The following SBF2 variants were observed in gnomAD, a reference collection of about 807,000 sequenced individuals.
SBF2 encodes the protein myotubularin-related protein 13.
In SBF2, 112 loss-of-function variants were observed where a neutral mutation model predicts 225.2. The ratio of observed to expected loss-of-function variants is 0.50; its 90% CI spans 0.43 to 0.58. The LOEUF is 0.58. Among genes scored for constraint, SBF2 ranks in the 20% least tolerant of loss-of-function variants. SBF2 has a pLI of 0.00. For missense variants in SBF2, 1,996 were observed against 2,206.2 expected (o/e 0.90, Z 1.91); for synonymous variants, 763 against 773.3 (o/e 0.99, Z 0.22).
intron 2 of SBF2, among the ~76,000 whole-genome samples, chr11:10,124,606 G>T (rs971270906): frequency 2.6e-5 from 4 of 152,000 alleles, no homozygotes; most frequent in African/African-American, 9.7e-5. Flanking sequence ...TTTGACACAT[G>T]TTCATTCTGT....
chr11:10,207,245 C>G (rs1467590559), intron 1 of SBF2, among the ~76,000 whole-genome samples: 2 of 152,022 alleles, frequency 1.3e-5, no homozygotes, highest in Non-Finnish European at 2.9e-5. Flanking sequence ...TCCCACGAAA[C>G]TACCCTTAAG....
chr11:10,290,311 A>G (rs1964081576), intron 1 of SBF2, among the ~76,000 whole-genome samples: 2 of 151,902 alleles, frequency 1.3e-5, no homozygotes, highest in Admixed American at 1.3e-4. Context: ...TCAGAGCCCA[A>G]GCATTAAGGC....
chr11:10,251,756 G>T (rs901803018), intron 1 of SBF2, among the ~76,000 whole-genome samples: 7 of 152,128 alleles, frequency 4.6e-5, no homozygotes, highest in Non-Finnish European at 1.0e-4. Flanking sequence ...ATGTCAAATG[G>T]TCTCTCTTCA....
chr11:10,008,163 A>G (rs547345232), intron 6 of SBF2, among the ~76,000 whole-genome samples: 3 of 152,318 alleles, frequency 2.0e-5, no homozygotes, highest in Admixed American at 2.0e-4. Flanking sequence ...AAGAAACCGC[A>G]TGTTCCTCTG....
rs142526018 is a variant in SBF2, at chr11:10,195,559, T to A, written c.56-1572A>T. On this transcript the variant is annotated intron_variant, in intron 1 of 39. Transcript: ENST00000256190. ...AACTTGAGGAAGTCTTCACAACGAA[T>A]TCATTTTGTTAATATACTGTAAAAA... Among the ~76,000 whole-genome samples the A allele has an allele frequency of 8.3e-4, 127 of 152,340 alleles. 1 individual carries two copies. The highest frequency in any genetic ancestry group is 2.6e-3 in the African/African-American group (110 of 41,572).
chr11:10,036,330 G>A (rs1021962677), intron 3 of SBF2, among the ~76,000 whole-genome samples: 3 of 151,988 alleles, frequency 2.0e-5, no homozygotes, highest in African/African-American at 4.8e-5. Flanking sequence ...GTTGATGGGT[G>A]CAGCAAACCA....
chr11:10,079,140 T>C (rs768607237), intron 2 of SBF2, among the ~76,000 whole-genome samples: 34 of 152,034 alleles, frequency 2.2e-4, no homozygotes, highest in African/African-American at 3.4e-4. Context: ...GCAATAATAC[T>C]GGAAATATTT....
intron 16 of SBF2, among the ~76,000 whole-genome samples, chr11:9,913,004 G>A (rs894732064): frequency 2.0e-5 from 3 of 152,128 alleles, no homozygotes; most frequent in African/African-American, 7.2e-5. Flanking sequence ...AGAGAAAACC[G>A]TGCTGGGTGT....
chr11:10,197,775 T>A (rs1449587929), intron 1 of SBF2, among the ~76,000 whole-genome samples: 1 of 152,266 alleles, frequency 6.6e-6, no homozygotes. Flanking sequence ...TGTAATATCC[T>A]AAATCCTTTG....
At position 10,029,865 on chromosome 11, in the gene SBF2, C is replaced by T; in HGVS notation, c.413G>A (p.Gly138Asp). The T allele has an allele frequency of 6.2e-7, 1 of 1,609,232 alleles. No homozygotes were observed. Among genetic ancestry groups the T allele is most frequent in the Non-Finnish European group, 8.5e-7 (1 of 1,175,620 alleles). Residue 138 changes from glycine to aspartate, a missense_variant, in exon 5 of 40, where the codon GGT (glycine) becomes GAT (aspartate). Physicochemically the swap from Gly to Asp is moderately conservative, Grantham distance 94. Transcript: ENST00000256190. ...YYPEIFRACL[G>D]LIYTVYVDSL... The stretch of plus-strand genomic sequence containing the variant: ...GTCCACATACACGGTATAGATCAAA[C>T]CCAGGCAAGCCTGCAAAAAGATAAA...
intron 2 of SBF2, among the ~76,000 whole-genome samples, chr11:10,089,396 T>C (rs1037041312): frequency 2.0e-5 from 3 of 152,248 alleles, no homozygotes; most frequent in Admixed American, 2.0e-4. Flanking sequence ...AATAAAAGTT[T>C]CACTGTTTCT....
chr11:10,108,336 T>C (rs549716545), intron 2 of SBF2, among the ~76,000 whole-genome samples: 48 of 152,220 alleles, frequency 3.2e-4, no homozygotes, highest in Non-Finnish European at 5.0e-4. Context: ...GTCTTCTACA[T>C]AGACCCTAAA....
At chr11:10,232,053 C>G (rs1188512205) in intron 1 of SBF2, among the ~76,000 whole-genome samples, 1 of 152,226 alleles carries the variant, frequency 6.6e-6, no homozygotes, top group East Asian at 1.9e-4. Flanking sequence ...AGTTTGATCT[C>G]AGACTGCTGT....
intron 1 of SBF2, among the ~76,000 whole-genome samples, chr11:10,234,320 A>G (rs1383753018): frequency 6.6e-6 from 1 of 152,158 alleles, no homozygotes; most frequent in South Asian, 2.1e-4. Flanking sequence ...TCACTGAGCC[A>G]ATATCCTATC....
chr11:9,843,115 A>C (rs1856282791), intron 24 of SBF2, among the ~76,000 whole-genome samples: 1 of 152,188 alleles, frequency 6.6e-6, no homozygotes, highest in Non-Finnish European at 1.5e-5. Flanking sequence ...TCCCTACCAC[A>C]GTTCCCACAA....
intron 27 of SBF2, among the ~76,000 whole-genome samples, chr11:9,830,089 A>T (rs1465918125): frequency 1.3e-5 from 2 of 152,240 alleles, no homozygotes; most frequent in Non-Finnish European, 2.9e-5. Context: ...GTCCTTCTAA[A>T]TGAGGAGCAA....
intron 1 of SBF2, among the ~76,000 whole-genome samples, chr11:10,209,212 G>C (rs1020291397): frequency 5.9e-5 from 9 of 151,966 alleles, no homozygotes; most frequent in Middle Eastern, 6.9e-3. Flanking sequence ...AATCAAGTAG[G>C]CCTTTCTCAT....
chr11:9,831,190 G>T (rs982578257), intron 27 of SBF2, among the ~76,000 whole-genome samples: 7 of 152,078 alleles, frequency 4.6e-5, no homozygotes, highest in African/African-American at 1.7e-4. Flanking sequence ...GTAGATATGG[G>T]GTTTTGCCAT....
intron 1 of SBF2, among the ~76,000 whole-genome samples, chr11:10,194,353 A>C (rs181025349): frequency 9.5e-4 from 145 of 152,332 alleles, no homozygotes; most frequent in African/African-American, 2.9e-3. Flanking sequence ...AATTATTTAG[A>C]GTATATAGGA....
Sources: allele counts gnomAD v4.1 joint callset (sites outside exome capture counted in the v4.1 genomes callset), GRCh38; gene constraint gnomAD v4.1.1; transcripts MANE v1.5; gene names NCBI Gene and HGNC (gene_info 2026-07-23, HGNC 2026-07-21).